Variants in SYNE2 observed in about 807,000 individuals in gnomAD.
SYNE2 encodes the protein nesprin-2.
Under a neutral mutation model 856.3 loss-of-function variants are expected in SYNE2, and 431 were observed. The observed-to-expected ratio is 0.50, with a 90% CI of 0.47 to 0.55. The LOEUF (loss-of-function observed/expected upper bound fraction) is 0.55, where lower values mean the gene tolerates loss of function less well. SYNE2 is among the 20% of genes least tolerant of loss of function. The pLI is 0.00. For missense variants in SYNE2, 8,129 were observed against 8,023.2 expected (o/e 1.01, Z -0.50); for synonymous variants, 2,923 against 2,872.3 (o/e 1.02, Z -0.56).
At chr14:63,994,964 C>A in intron 22 of SYNE2, 80 bp from the exon 23 acceptor site, 1 of 923,568 alleles carries the variant, frequency 1.1e-6, no homozygotes, top group Non-Finnish European at 1.6e-6. Context: ...TGTCACTACA[C>A]ATATATTTAT....
intron 19 of SYNE2, among the ~76,000 whole-genome samples, chr14:63,986,977 G>C (rs1683209041): frequency 6.6e-6 from 1 of 152,136 alleles, no homozygotes; most frequent in African/African-American, 2.4e-5. Flanking sequence ...AATCAGGCTG[G>C]GCGCGGTGGC....
intron 85 of SYNE2, among the ~76,000 whole-genome samples, chr14:64,158,144 AT>A (rs1226455828): frequency 1.3e-5 from 2 of 152,322 alleles, no homozygotes; most frequent in East Asian, 3.9e-4. Context: ...TGTAGTAATA[AT>A]CAGACTTAAG....
intron 1 of SYNE2, among the ~76,000 whole-genome samples, chr14:63,900,086 G>A (rs573856942): frequency 3.9e-5 from 6 of 152,294 alleles, no homozygotes; most frequent in Admixed American, 2.0e-4. Flanking sequence ...CAGGGCCAGC[G>A]GAAGGCTCTT....
chr14:63,988,060 T>C (rs2096639117), intron 19 of SYNE2, among the ~76,000 whole-genome samples: 1 of 152,198 alleles, frequency 6.6e-6, no homozygotes, highest in African/African-American at 2.4e-5. Context: ...CAGCTCCTAG[T>C]ACATGGTAGA....
At chr14:63,777,959 TG>T (rs2139726498) in intron 1 of SYNE2, among the ~76,000 whole-genome samples, 1 of 152,294 alleles carries the variant, frequency 6.6e-6, no homozygotes, top group African/African-American at 2.4e-5. Flanking sequence ...TGAATCACCA[TG>T]CCTGACCGAG....
intron 55 of SYNE2, among the ~76,000 whole-genome samples, 172 bp from the exon 56 acceptor site, chr14:64,080,284 T>C (rs2097509724): frequency 6.6e-6 from 1 of 152,142 alleles, no homozygotes; most frequent in African/African-American, 2.4e-5. Context: ...AGGAAAAGTG[T>C]TTTTCAGTTT....
intron 84 of SYNE2, among the ~76,000 whole-genome samples, chr14:64,150,291 CAAAAAA>C (rs773488742): frequency 1.1e-3 from 38 of 35,634 alleles, no homozygotes; most frequent in South Asian, 3.1e-3. Flanking sequence ...GATTCTCTCT[CAAAAAA>C]AAAAAAAAAA....
intron 109 of SYNE2, 98 bp from the exon 110 acceptor site, chr14:64,219,110 T>TG (rs1555556136): frequency 1.2e-4 from 109 of 906,604 alleles, no homozygotes; most frequent in African/African-American, 7.6e-4. Flanking sequence ...TTTTGTTTTT[T>TG]TTTTTTTTTT....
chr14:64,091,821 G>T (rs1319715123), intron 60 of SYNE2, among the ~76,000 whole-genome samples: 1 of 152,146 alleles, frequency 6.6e-6, no homozygotes, highest in East Asian at 1.9e-4. Flanking sequence ...CCTCCTGCAT[G>T]CTGCCTTTCC....
Position 63,930,620 on chromosome 14 carries a change from C to A in SYNE2, c.80-9994C>A, listed in dbSNP as rs118060439. On this transcript the variant is annotated intron_variant, in intron 2 of 115. Transcript: ENST00000555002. ...GCAATCATAGCTCACTGCAAACCTT[C>A]GCCTCCCAAGTTCAAGTGATTCTCC... 1.1e-3 allele frequency among the ~76,000 whole-genome samples: 159 copies of A among 151,422 alleles called. 2 individuals are homozygous for A. In the South Asian group the frequency reaches 0.014, roughly 13 times the overall value.
intron 86 of SYNE2, 78 bp downstream of exon 86, chr14:64,158,873 CTGTGTT>C: frequency 6.8e-7 from 1 of 1,469,260 alleles, no homozygotes; most frequent in Non-Finnish European, 9.5e-7. Context: ...ACGGGCATAA[CTGTGTT>C]TGTGCCCTCC....
At chr14:63,983,449 T>C (rs2096601854) in intron 17 of SYNE2, among the ~76,000 whole-genome samples, 1 of 152,166 alleles carries the variant, frequency 6.6e-6, no homozygotes, top group Non-Finnish European at 1.5e-5. Flanking sequence ...ACAAGCATTG[T>C]TTTGCCTACT....
At chr14:63,798,952 T>C (rs1034544021) in intron 1 of SYNE2, among the ~76,000 whole-genome samples, 3 of 152,188 alleles carry the variant, frequency 2.0e-5, no homozygotes, top group Non-Finnish European at 4.4e-5. Flanking sequence ...CAACTCTTCA[T>C]GGGTCCCAGG....
intron 1 of SYNE2, among the ~76,000 whole-genome samples, chr14:63,840,603 G>C (rs1890033033): frequency 6.6e-6 from 1 of 150,912 alleles, no homozygotes; most frequent in Admixed American, 6.6e-5. Flanking sequence ...AGCCTCCCCA[G>C]TAGCAGGGAT....
rs991984997 is a variant in SYNE2 at position 64,000,918 on chromosome 14, C to G, written c.3638+199C>G. ...GAGAGGTTAAATATTAATAATATAA[C>G]CAGGCCACACTGCTAGCTAGAAACT... On this transcript the variant is annotated intron_variant, in intron 28 of 115. Transcript: ENST00000555002. Among the ~76,000 whole-genome samples the G allele has an allele frequency of 3.3e-5, 5 of 152,234 alleles. 1 individual carries two copies. Among genetic ancestry groups the G allele is most frequent in the Non-Finnish European group, 5.9e-5 (4 of 68,014 alleles).
intron 100 of SYNE2, among the ~76,000 whole-genome samples, chr14:64,205,123 C>G (rs975239294): frequency 5.3e-5 from 8 of 152,132 alleles, no homozygotes; most frequent in African/African-American, 1.7e-4. Flanking sequence ...CTCCCTATTT[C>G]AAGGTCAGCT....
chr14:64,126,402 C>T lies in SYNE2; in HGVS notation c.13630C>T (p.Leu4544Phe), dbSNP rs368105920. The T allele has an allele frequency of 2.5e-6, 4 of 1,614,124 alleles. No individual in the cohort carries two copies. Among genetic ancestry groups the T allele is most frequent in the East Asian group, 2.2e-5 (1 of 44,884 alleles). The change falls in exon 72 of 116, where the codon CTC (leucine) becomes TTC (phenylalanine). Residue 4544 changes from leucine (L) to phenylalanine (F), a missense_variant. By Grantham distance (22) the Leu-to-Phe change is conservative. Coordinates refer to ENST00000555002, the MANE Select transcript of SYNE2 (RefSeq NM_182914.3). ...ACTATTCCTGACCCTCAGTCAGTGC[C>T]TCAGCAGTGTGGAGGAGATGCTGGA... ...FELFLTLSQCLSSVEEMLEMP... is the reference protein window; with the variant it reads ...FELFLTLSQCFSSVEEMLEMP...
At chr14:63,869,450 C>A (rs984313986) in intron 1 of SYNE2, among the ~76,000 whole-genome samples, 1 of 151,648 alleles carries the variant, frequency 6.6e-6, no homozygotes, top group Non-Finnish European at 1.5e-5. Context: ...GGTGAAACCC[C>A]ATCTCTACTA....
chr14:63,995,264 T>C lies in SYNE2; in HGVS notation c.2940+62T>C. ...TTTTGGGGTTTATCTTAAATGGTTG[T>C]GTGTATCTTTAGCCTAGGATGAAAA... is the stretch of plus-strand genomic sequence containing the variant. On this transcript the variant is annotated intron_variant, in intron 23 of 115. Coordinates refer to ENST00000555002, the MANE Select transcript of SYNE2 (RefSeq NM_182914.3). 3 of 1,431,970 alleles carry C rather than the reference T, an allele frequency of 2.1e-6. No homozygotes were observed. In the South Asian group the frequency reaches 3.5e-5, roughly 17 times the overall value. 88.7% of individuals were successfully genotyped at this position (1,431,970 alleles called of 1,614,324 possible). A position where few individuals can be genotyped will look rare whatever the true frequency, so the allele number is the denominator to read the frequency against.
Sources: gnomAD v4.1 joint callset for allele counts (sites outside exome capture counted in the v4.1 genomes callset) on GRCh38, gnomAD v4.1.1 for gene constraint, MANE v1.5 for transcripts, NCBI Gene and HGNC (gene_info 2026-07-23, HGNC 2026-07-21) for gene names.